Variants in LRRIQ3 observed in about 807,000 individuals in gnomAD.
LRRIQ3 encodes leucine rich repeats and IQ motif containing 3, also known as leucine-rich repeat and IQ domain-containing protein 3.
Under a neutral mutation model 59.3 loss-of-function variants are expected in LRRIQ3, and 75 were observed. The observed-to-expected ratio is 1.26, with a 90% CI of 1.05 to 1.53. LRRIQ3 has a LOEUF of 1.53. LRRIQ3 is among the 40% of genes most tolerant of loss of function. The pLI is 0.00. For synonymous variants in LRRIQ3, 250 were observed against 231.3 expected, an observed-to-expected ratio of 1.08 and a Z score of -0.73; for missense variants, 831 against 710.0, an observed-to-expected ratio of 1.17 and a Z score of -1.94.
chr1:74,114,193 AAATAT>A lies in LRRIQ3; in HGVS notation c.708-4645_708-4641del, dbSNP rs959737627. ...AAAGAGAACTAAAAATGATAAATAG[AAATAT>A]AATATAACAAACTCTATGAATATAT... On this transcript the variant is annotated intron_variant, in intron 4 of 7. Transcript: ENST00000354431. Among the ~76,000 whole-genome samples, 233 of 152,148 alleles carry A rather than the reference AAATAT, an allele frequency of 1.5e-3. 6 individuals carry two copies. Among genetic ancestry groups the A allele is most frequent in the Non-Finnish European group, 1.5e-3 (102 of 67,960 alleles).
intron 5 of LRRIQ3, among the ~76,000 whole-genome samples, chr1:74,086,981 T>C (rs1224519318): frequency 2.2e-4 from 33 of 152,132 alleles, no homozygotes. Flanking sequence ...ACTTACTCTT[T>C]ACTCTTTCCT....
chr1:74,114,324 T>C (rs1646748110), intron 4 of LRRIQ3, among the ~76,000 whole-genome samples: 1 of 152,266 alleles, frequency 6.6e-6, no homozygotes, highest in South Asian at 2.1e-4. Context: ...GTAATATGTC[T>C]AATTTAATAG....
chr1:74,062,787 T>C (rs766303662), intron 6 of LRRIQ3, among the ~76,000 whole-genome samples: 1 of 151,926 alleles, frequency 6.6e-6, no homozygotes, highest in Non-Finnish European at 1.5e-5. Context: ...ACATCAAGTA[T>C]ATATGGATAC....
At chr1:74,027,004 C>G (rs1653535050) in intron 7 of LRRIQ3, 35 bp from the exon 8 acceptor site, 1 of 1,358,256 alleles carries the variant, frequency 7.4e-7, no homozygotes, top group Non-Finnish European at 1.0e-6. Context: ...GAATGAGATA[C>G]TTTTAAATAC....
At chr1:74,137,124 A>T (rs1329788539) in intron 4 of LRRIQ3, among the ~76,000 whole-genome samples, 2 of 151,926 alleles carry the variant, frequency 1.3e-5, no homozygotes, top group Admixed American at 1.3e-4. Flanking sequence ...CTAACAGACA[A>T]TATATCTAGT....
intron 7 of LRRIQ3, among the ~76,000 whole-genome samples, chr1:74,029,624 A>C (rs552380307): frequency 9.9e-4 from 151 of 152,146 alleles, no homozygotes; most frequent in African/African-American, 3.6e-3. Context: ...GGATTTTTGC[A>C]TCGATGTTCA....
At chr1:74,174,415 T>C (rs2100706599) in intron 3 of LRRIQ3, among the ~76,000 whole-genome samples, 1 of 151,830 alleles carries the variant, frequency 6.6e-6, no homozygotes, top group East Asian at 2.0e-4. Context: ...GGAGTTTCAC[T>C]CTTGTTGCCC....
At chr1:74,192,914 T>C (rs548964698) in intron 1 of LRRIQ3, among the ~76,000 whole-genome samples, 18 of 152,272 alleles carry the variant, frequency 1.2e-4, no homozygotes, top group African/African-American at 4.3e-4. Context: ...TTCAATTTTG[T>C]TTCTCATTAT....
At chr1:74,169,185 A>G (rs905692443) in intron 3 of LRRIQ3, among the ~76,000 whole-genome samples, 1 of 152,256 alleles carries the variant, frequency 6.6e-6, no homozygotes, top group Middle Eastern at 3.4e-3. Flanking sequence ...TTGTCCTTCC[A>G]TGACTGACCT....
chr1:74,192,580 G>A (rs1650836699), intron 1 of LRRIQ3, among the ~76,000 whole-genome samples: 1 of 151,972 alleles, frequency 6.6e-6, no homozygotes, highest in Admixed American at 6.6e-5. Flanking sequence ...AGTCTTATAA[G>A]CAGTCTTCCC....
intron 3 of LRRIQ3, among the ~76,000 whole-genome samples, chr1:74,179,165 A>G (rs1649815465): frequency 6.6e-6 from 1 of 152,116 alleles, no homozygotes; most frequent in African/African-American, 2.4e-5. Context: ...ATATACAACA[A>G]TCAAAATATA....
Position 74,141,988 on chromosome 1 carries a change from C to T in LRRIQ3, c.707+13745G>A, listed in dbSNP as rs1010278466. The stretch of plus-strand genomic sequence containing the variant: ...CTGAATAATATTCCATTTATACACA[C>T]ACACACACACACACACACATATTAC... On this transcript the variant is annotated intron_variant, in intron 4 of 7. Transcript: ENST00000354431. 5.2e-3 allele frequency among the ~76,000 whole-genome samples: 744 copies of T among 144,298 alleles called. 2 individuals are homozygous for T. The highest frequency in any genetic ancestry group is 0.013 in the Admixed American group (197 of 14,858). The allele number at this position is 144,298 out of a possible 152,430, so 94.7% of individuals were successfully genotyped here. A position where few individuals can be genotyped will look rare whatever the true frequency, so the allele number is the denominator to read the frequency against.
At chr1:74,157,263 C>G (rs545590571) in intron 3 of LRRIQ3, among the ~76,000 whole-genome samples, 2 of 152,092 alleles carry the variant, frequency 1.3e-5, no homozygotes, top group East Asian at 3.9e-4. Flanking sequence ...ATTAACTCCC[C>G]TCCATTCTCT....
intron 4 of LRRIQ3, among the ~76,000 whole-genome samples, chr1:74,128,006 C>T (rs968792583): frequency 1.3e-5 from 2 of 151,884 alleles, no homozygotes; most frequent in African/African-American, 4.8e-5. Context: ...TAGGATACAG[C>T]TTTTTTTCCT....
rs1371247665 is a variant in LRRIQ3, at chr1:74,109,515, AT to A, written c.745del (p.Ile249LeufsTer12). 3.8e-6 allele frequency: 6 copies of A among 1,565,452 alleles called. No individual in the cohort carries two copies. The highest frequency in any genetic ancestry group is 5.2e-6 in the Non-Finnish European group (6 of 1,161,580). ...CCATTTTGCTTCATATCCTCTAATA[AT>A]TTTTTCCTGCTGTTTTTTTTTGTGG... ...FFHKKKQQEK[I>X]IRGYEAKWIY... On this transcript the variant is annotated frameshift_variant, in exon 5 of 8. Transcript: ENST00000354431. LOFTEE classifies it high-confidence loss of function.
intron 4 of LRRIQ3, among the ~76,000 whole-genome samples, chr1:74,111,973 C>T (rs1028643518): frequency 6.6e-6 from 1 of 152,130 alleles, no homozygotes; most frequent in African/African-American, 2.4e-5. Context: ...CTTCATCCCT[C>T]CAGCTCCCAC....
At chr1:74,109,292 A>T in intron 5 of LRRIQ3, 102 bp downstream of exon 5, 1 of 826,106 alleles carries the variant, frequency 1.2e-6, no homozygotes, top group Non-Finnish European at 1.9e-6. Context: ...AATGTAATGA[A>T]GGACATTTAA....
chr1:74,036,131 G>C (rs1418616741), intron 7 of LRRIQ3, among the ~76,000 whole-genome samples: 1 of 151,952 alleles, frequency 6.6e-6, no homozygotes, highest in Non-Finnish European at 1.5e-5. Flanking sequence ...TTTGATTTTG[G>C]AGTAGCAAAA....
intron 6 of LRRIQ3, among the ~76,000 whole-genome samples, chr1:74,048,453 T>C (rs1279758511): frequency 3.3e-5 from 5 of 152,142 alleles, no homozygotes; most frequent in African/African-American, 1.2e-4. Flanking sequence ...GATAACAATT[T>C]CCCCCATAAC....
Sources: allele counts gnomAD v4.1 joint callset (sites outside exome capture counted in the v4.1 genomes callset), GRCh38; gene constraint gnomAD v4.1.1; transcripts MANE v1.5; gene names NCBI Gene and HGNC (gene_info 2026-07-23, HGNC 2026-07-21).